SLCO1B3: variants seen among roughly 807,000 people sequenced by gnomAD.
SLCO1B3 encodes liver-specific organic anion transporter 2.
A neutral mutation model predicts 71.8 loss-of-function variants in SLCO1B3; 72 were observed. The observed-to-expected ratio is 1.00, with a 90% CI of 0.83 to 1.22. The LOEUF is 1.22. SLCO1B3 is among the 50% of genes most tolerant of loss of function. SLCO1B3 has a pLI of 0.00. For synonymous variants in SLCO1B3, 298 were observed against 278.4 expected, an observed-to-expected ratio of 1.07 and a Z score of -0.70; for missense variants, 911 against 819.7, an observed-to-expected ratio of 1.11 and a Z score of -1.36.
At chr12:20,912,285 T>G (rs1415204288) in intron 15 of SLCO1B3, among the ~76,000 whole-genome samples, 2 of 150,524 alleles carry the variant, frequency 1.3e-5, no homozygotes, top group African/African-American at 4.9e-5. Context: ...TCAAATTTCT[T>G]CTATTTTATT....
intron 9 of SLCO1B3, among the ~76,000 whole-genome samples, chr12:20,877,019 C>A (rs988312708): frequency 6.6e-6 from 1 of 151,948 alleles, no homozygotes; most frequent in African/African-American, 2.4e-5. Context: ...TTTGTAGAGA[C>A]GGGGTTTCAC....
At chr12:20,853,413 TA>T in intron 3 of SLCO1B3, among the ~76,000 whole-genome samples, 1 of 152,194 alleles carries the variant, frequency 6.6e-6, no homozygotes, top group Admixed American at 6.5e-5. Context: ...GTCCTAATTA[TA>T]GTTCTGTTCA....
At chr12:20,901,279 A>G (rs1591789592) in intron 14 of SLCO1B3, 71 bp from the exon 15 acceptor site, 1 of 969,336 alleles carries the variant, frequency 1.0e-6, no homozygotes, top group East Asian at 2.7e-5. Flanking sequence ...AAAATGTATC[A>G]ATATCGACTA....
At chr12:20,913,472 T>C (rs762367505) in intron 15 of SLCO1B3, among the ~76,000 whole-genome samples, 7 of 152,324 alleles carry the variant, frequency 4.6e-5, no homozygotes, top group Non-Finnish European at 7.4e-5. Flanking sequence ...TTTTACATGC[T>C]TACATGTTAA....
intron 15 of SLCO1B3, among the ~76,000 whole-genome samples, chr12:20,909,169 T>TTC (rs201727767): frequency 0.011 from 1,632 of 147,006 alleles, 31 homozygotes; most frequent in African/African-American, 0.038. Flanking sequence ...CTTTTTCTTT[T>TTC]TTTTTTTTTT....
At chr12:20,812,372 C>T (rs1410189082) in intron 1 of SLCO1B3, among the ~76,000 whole-genome samples, 1 of 146,018 alleles carries the variant, frequency 6.8e-6, no homozygotes, top group African/African-American at 2.5e-5. Flanking sequence ...CGGGTATGTT[C>T]TCCAGTGGTA....
rs1435690034 is a variant in SLCO1B3 at position 20,887,748 on chromosome 12, GTAT to G, written c.1682+4151_1682+4153del. 2.0e-5 allele frequency among the ~76,000 whole-genome samples: 3 copies of G among 151,036 alleles called. No individual in the cohort carries two copies. In the East Asian group the frequency reaches 5.8e-4, roughly 29 times the overall value. On this transcript the variant is annotated intron_variant, in intron 13 of 15. Coordinates refer to ENST00000381545, the MANE Select transcript of SLCO1B3 (RefSeq NM_019844.4). ...TGTAGTTTAATTAAGTTCCATTGGT[GTAT>G]TATTTTGTTGCATTTCCTTTTGAGG... is the stretch of plus-strand genomic sequence containing the variant.
Position 20,875,412 on chromosome 12 carries a change from A to C in SLCO1B3, c.905A>C (p.Asn302Thr), listed in dbSNP as rs1291023554. The change falls in exon 9 of 16, where the codon AAT (asparagine) becomes ACT (threonine). Residue 302 changes from asparagine to threonine, a missense_variant. Asn to Thr is a moderately conservative substitution (Grantham distance 65). Coordinates refer to ENST00000381545, the MANE Select transcript of SLCO1B3 (RefSeq NM_019844.4). Reference sequence around the variant, plus strand: ...CTATCATTGCATGTGCTGAAAACAAATGATGATAGAAATCAAACAGCTAAT... The same window carrying C: ...CTATCATTGCATGTGCTGAAAACAACTGATGATAGAAATCAAACAGCTAAT... ...ISLSLHVLKT[N>T]DDRNQTANLT... 3.7e-6 allele frequency: 6 copies of C among 1,607,754 alleles called. No individual in the cohort carries two copies. Among genetic ancestry groups the C allele is most frequent in the Non-Finnish European group, 5.1e-6 (6 of 1,178,254 alleles).
intron 2 of SLCO1B3, among the ~76,000 whole-genome samples, chr12:20,814,987 T>C (rs1429981874): frequency 1.3e-5 from 2 of 150,188 alleles, no homozygotes; most frequent in East Asian, 3.9e-4. Flanking sequence ...TTTTCTTTTT[T>C]TTTTTTTTTG....
intron 8 of SLCO1B3, among the ~76,000 whole-genome samples, chr12:20,870,325 C>A (rs1434251087): frequency 6.6e-6 from 1 of 152,028 alleles, no homozygotes; most frequent in Non-Finnish European, 1.5e-5. Context: ...TGGGTAGAAG[C>A]TTTTTAGTTT....
chr12:20,862,808 A>G lies in SLCO1B3; in HGVS notation c.681A>G (p.Gly227=), dbSNP rs1565593622. Reference sequence around the variant, plus strand: ...GTCCAGTCATTGGCTTTGCACTGGGATCTCTGTTTGCTAAAATGTACGTGG... The same window carrying G: ...GTCCAGTCATTGGCTTTGCACTGGGGTCTCTGTTTGCTAAAATGTACGTGG... The part of the protein sequence containing the change: ...MIGPVIGFAL[G]SLFAKMYVDI... The change falls in exon 8 of 16, where the codon GGA becomes GGG. Residue 227 remains glycine (G), a synonymous_variant. Coordinates refer to ENST00000381545, the MANE Select transcript of SLCO1B3 (RefSeq NM_019844.4). 2 of 1,611,768 alleles carry G rather than the reference A, an allele frequency of 1.2e-6. No homozygotes were observed. The highest frequency in any genetic ancestry group is 1.7e-6 in the Non-Finnish European group (2 of 1,178,148).
chr12:20,865,251 T>C (rs1237464057), intron 8 of SLCO1B3, among the ~76,000 whole-genome samples: 4 of 152,106 alleles, frequency 2.6e-5, no homozygotes, highest in African/African-American at 9.7e-5. Context: ...AACTAGTCAT[T>C]TCCTGAAGTC....
chr12:20,866,022 C>G (rs117239853), intron 8 of SLCO1B3, among the ~76,000 whole-genome samples: 1 of 152,018 alleles, frequency 6.6e-6, no homozygotes, highest in South Asian at 2.1e-4. Context: ...TCATCACTCT[C>G]CAGTAAGTGA....
intron 8 of SLCO1B3, among the ~76,000 whole-genome samples, chr12:20,873,452 T>G (rs1865516106): frequency 6.6e-6 from 1 of 152,156 alleles, no homozygotes; most frequent in Admixed American, 6.5e-5. Flanking sequence ...TTCTCTGTAG[T>G]TCCCAGGTGT....
At chr12:20,836,987 A>T (rs946090725) in intron 3 of SLCO1B3, among the ~76,000 whole-genome samples, 2 of 152,206 alleles carry the variant, frequency 1.3e-5, no homozygotes, top group South Asian at 2.1e-4. Context: ...CTAATTTCTT[A>T]AACAGATAAA....
At chr12:20,826,377 G>T (rs1183953385) in intron 3 of SLCO1B3, among the ~76,000 whole-genome samples, 1 of 152,002 alleles carries the variant, frequency 6.6e-6, no homozygotes, top group African/African-American at 2.4e-5. Context: ...AATAAAAGTT[G>T]AACTTTTGGG....
At chr12:20,888,083 A>T (rs971238559) in intron 13 of SLCO1B3, among the ~76,000 whole-genome samples, 2 of 151,912 alleles carry the variant, frequency 1.3e-5, no homozygotes, top group African/African-American at 2.4e-5. Context: ...CCATTGATCT[A>T]TGTGTCTATT....
chr12:20,875,490 C>T lies in SLCO1B3; in HGVS notation c.970+13C>T. ...AAAAATGTGACTGGTAGGTATTTGACATTCATTGTCAACTTGGAATTGTTA... is the reference window on the plus strand; with the variant it reads ...AAAAATGTGACTGGTAGGTATTTGATATTCATTGTCAACTTGGAATTGTTA... On this transcript the variant is annotated intron_variant, in intron 9 of 15. Coordinates refer to ENST00000381545, the MANE Select transcript of SLCO1B3 (RefSeq NM_019844.4). 1 of 1,590,306 alleles carries T rather than the reference C, an allele frequency of 6.3e-7. No individual in the cohort carries two copies. The highest frequency in any genetic ancestry group is 8.5e-7 in the Non-Finnish European group (1 of 1,174,682).
At position 20,900,892 on chromosome 12, in the gene SLCO1B3, A is replaced by G. The variant is rs80032703; in HGVS notation, c.1748-458A>G. 1.9e-4 allele frequency among the ~76,000 whole-genome samples: 29 copies of G among 152,312 alleles called. No individual in the cohort carries two copies. In the East Asian group the frequency reaches 5.4e-3, roughly 28 times the overall value. ...TTTTTAATTATCTTAAAATAGTATTAAAATCTCCTGCCTTTACAGCAGTTT... is the reference window on the plus strand; with the variant it reads ...TTTTTAATTATCTTAAAATAGTATTGAAATCTCCTGCCTTTACAGCAGTTT... On this transcript the variant is annotated intron_variant, in intron 14 of 15. Transcript: ENST00000381545.
Sources: gnomAD v4.1 joint callset for allele counts (sites outside exome capture counted in the v4.1 genomes callset) on GRCh38, gnomAD v4.1.1 for gene constraint, MANE v1.5 for transcripts, NCBI Gene and HGNC (gene_info 2026-07-23, HGNC 2026-07-21) for gene names.